The following SACS variants were observed in gnomAD, a reference collection of about 807,000 sequenced individuals.
SACS encodes the protein sacsin.
In SACS, 197 loss-of-function variants were observed where a neutral mutation model predicts 348.0. The ratio of observed to expected loss-of-function variants is 0.57; its 90% confidence interval spans 0.50 to 0.64. The LOEUF is 0.64. Ranked by LOEUF, SACS falls within the 30% of genes least tolerant of loss-of-function variation. The pLI is 0.00. For synonymous variants in SACS, 1,985 were observed against 1,910.6 expected (o/e 1.04, Z -1.02); for missense variants, 4,999 against 5,360.8 (o/e 0.93, Z 2.11).
At chr13:23,385,831 T>G (rs959494589) in intron 2 of SACS, among the ~76,000 whole-genome samples, 4 of 152,374 alleles carry the variant, frequency 2.6e-5, no homozygotes, top group African/African-American at 9.6e-5. Context: ...ATCTGTGGGC[T>G]GCAGAATGGA....
At chr13:23,374,631 A>C (rs1393388978) in intron 3 of SACS, among the ~76,000 whole-genome samples, 1 of 152,202 alleles carries the variant, frequency 6.6e-6, no homozygotes, top group African/African-American at 2.4e-5. Context: ...TATCACTTGA[A>C]CTTTAAAAGT....
In SACS at chr13:23,334,314, A is replaced by G. The variant is rs137905181; in HGVS notation, c.9562T>C (p.Phe3188Leu). 2.1e-4 allele frequency: 332 copies of G among 1,609,818 alleles called. 1 individual carries two copies. The highest frequency in any genetic ancestry group is 1.0e-3 in the Admixed American group (60 of 59,722). The part of the protein sequence containing the change: ...HELIPSRKDL[F>L]MNTLYLKYSN... ...TATTTCAAATATAATGTATTCATAA[A>G]CAAGTCTTTGCGGGATGGAATCAAT... The change falls in exon 10 of 10, where the codon TTT becomes CTT. Residue 3188 changes from phenylalanine to leucine, a missense_variant. Coordinates refer to ENST00000382292, the MANE Select transcript of SACS (RefSeq NM_014363.6).
rs2137721667 is a variant in SACS at position 23,355,104 on chromosome 13, T to A, written c.1508A>T (p.Lys503Ile). 1 of 1,614,140 alleles carries A rather than the reference T, an allele frequency of 6.2e-7. No homozygotes were observed. Among genetic ancestry groups the A allele is most frequent in the South Asian group, 1.1e-5 (1 of 91,086 alleles). Residue 503 changes from lysine to isoleucine, a missense_variant, in exon 8 of 10, where the codon AAA becomes ATA. Transcript: ENST00000382292. Reference protein sequence around the residue: ...NEFLVMNVVPKAYATLILDSI... With the variant: ...NEFLVMNVVPIAYATLILDSI... ...ATCTAAGATCAGAGTAGCATAAGCT[T>A]TGGGGACAACATTCATGACAAGAAA...
At chr13:23,374,099 C>CTT (rs908172914) in intron 3 of SACS, 2 of 152,136 alleles carry the variant, frequency 1.3e-5, no homozygotes, top group African/African-American at 2.4e-5. Context: ...AAGCTGAACT[C>CTT]TTTAAAAAAG....
In SACS at chr13:23,334,423, C is replaced by T; in HGVS notation, c.9453G>A (p.Glu3151=). Residue 3151 remains glutamate (E), a synonymous_variant, in exon 10 of 10, where the codon GAG becomes GAA. Transcript: ENST00000382292. ...KDAEENEIEV[E]GLPLLITLDS... is the part of the protein sequence containing the mutation. The stretch of plus-strand genomic sequence containing the variant: ...CCAGTGTGATGAGAAGGGGCAATCC[C>T]TCAACTTCAATCTCATTTTCTTCTG... 1.2e-6 allele frequency: 2 copies of T among 1,612,728 alleles called. No homozygotes were observed. Among genetic ancestry groups the T allele is most frequent in the Non-Finnish European group, 1.7e-6 (2 of 1,179,752 alleles).
chr13:23,357,364 T>G (rs542956730), intron 7 of SACS, among the ~76,000 whole-genome samples: 5 of 152,340 alleles, frequency 3.3e-5, no homozygotes, highest in Admixed American at 6.5e-5. Flanking sequence ...TTATATGATT[T>G]GTAATTTAGT....
chr13:23,387,128 T>G (rs1217025517), intron 2 of SACS, among the ~76,000 whole-genome samples: 1 of 151,750 alleles, frequency 6.6e-6, no homozygotes, highest in African/African-American at 2.4e-5. Flanking sequence ...CCAACAGACT[T>G]GCTGGATGCA....
intron 7 of SACS, among the ~76,000 whole-genome samples, chr13:23,356,349 A>C (rs530228638): frequency 2.0e-5 from 3 of 152,340 alleles, no homozygotes; most frequent in Admixed American, 6.5e-5. Context: ...ACAGAACAGG[A>C]CTGCATCCTA....
In SACS at chr13:23,331,977, G is replaced by C. The variant is rs1261408099; in HGVS notation, c.11899C>G (p.Gln3967Glu). The C allele has an allele frequency of 1.7e-5, 27 of 1,613,918 alleles. No homozygotes were observed. The highest frequency in any genetic ancestry group is 2.2e-5 in the Non-Finnish European group (26 of 1,179,950). The change falls in exon 10 of 10, where the codon CAA (glutamine) becomes GAA (glutamate). Residue 3967 changes from glutamine (Q) to glutamate (E), a missense_variant. Physicochemically the swap from Gln to Glu is conservative, Grantham distance 29 (BLOSUM62 2). Transcript: ENST00000382292. ...CTCAATAATCGAGGTCTAAGTTTTT[G>C]AGGAAAGAGCATTATCAACTTAGTG... ...FHTKLIMLFP[Q>E]KLRPRLLSSI... is the part of the protein sequence containing the mutation.
chr13:23,378,784 C>A (rs1176361632), intron 2 of SACS, among the ~76,000 whole-genome samples: 1 of 152,096 alleles, frequency 6.6e-6, no homozygotes, highest in African/African-American at 2.4e-5. Flanking sequence ...AGTGAGCTGG[C>A]TATAGCAGCA....
At position 23,408,762 on chromosome 13, in the gene SACS, G is replaced by A. The variant is rs570674359; in HGVS notation, c.20+2458C>T. ...GGGTGGATCACGAGGTCAGGAAATC[G>A]AGACCATCCTGGCTAACACGGTGAA... On this transcript the variant is annotated intron_variant, in intron 2 of 9. Transcript: ENST00000382292. 9.9e-5 allele frequency among the ~76,000 whole-genome samples: 15 copies of A among 152,072 alleles called. No homozygotes were observed. The East Asian group carries it at 2.4e-3, about 24-fold the overall frequency.
At chr13:23,342,185 T>C (rs989028634) in intron 9 of SACS, among the ~76,000 whole-genome samples, 1 of 152,216 alleles carries the variant, frequency 6.6e-6, no homozygotes, top group African/African-American at 2.4e-5. Context: ...AATCTATATA[T>C]AAATCCATAT....
rs74342035 is a variant in SACS, at chr13:23,370,558, C to T, written c.259+520G>A. On this transcript the variant is annotated intron_variant, in intron 4 of 9. Coordinates refer to ENST00000382292, the MANE Select transcript of SACS (RefSeq NM_014363.6). ...GGGCCCTGTACTGTATAGAAGATCT[C>T]CAGATCTTCTTTATTCATATAGCAA... Among the ~76,000 whole-genome samples the T allele has an allele frequency of 5.3e-5, 8 of 152,272 alleles. No individual in the cohort carries two copies. In the East Asian group the frequency reaches 1.5e-3, roughly 29 times the overall value.
At chr13:23,402,488 C>A (rs1165508611) in intron 2 of SACS, among the ~76,000 whole-genome samples, 1 of 152,190 alleles carries the variant, frequency 6.6e-6, no homozygotes, top group Non-Finnish European at 1.5e-5. Context: ...AATTCAGAAA[C>A]TCATCTTCAT....
intron 9 of SACS, among the ~76,000 whole-genome samples, chr13:23,346,208 C>T (rs1376540003): frequency 2.0e-5 from 3 of 152,202 alleles, no homozygotes; most frequent in Non-Finnish European, 2.9e-5. Context: ...CTCAGTGGCG[C>T]GGTCTCAGTT....
chr13:23,380,214 C>A (rs779963574), intron 2 of SACS, among the ~76,000 whole-genome samples: 1 of 151,874 alleles, frequency 6.6e-6, no homozygotes, highest in African/African-American at 2.4e-5. Context: ...ACTTCCCCCA[C>A]CTCTTTAGAA....
chr13:23,390,819 C>T lies in SACS; in HGVS notation c.21-15550G>A, dbSNP rs974109087. On this transcript the variant is annotated intron_variant, in intron 2 of 9. Coordinates refer to ENST00000382292, the MANE Select transcript of SACS (RefSeq NM_014363.6). ...GTCTAAAGAGCACTGATTCCAGTGC[C>T]CGCAGATGTTAAGTAGCGAGCGTGT... Among the ~76,000 whole-genome samples the T allele has an allele frequency of 2.6e-5, 4 of 152,336 alleles. No homozygotes were observed. In the East Asian group the frequency reaches 5.8e-4, roughly 22 times the overall value.
intron 6 of SACS, among the ~76,000 whole-genome samples, chr13:23,364,631 G>C (rs1436798696): frequency 6.6e-6 from 1 of 152,154 alleles, no homozygotes; most frequent in Non-Finnish European, 1.5e-5. Flanking sequence ...AAGCTCCCCG[G>C]AGTAGAAGTG....
At chr13:23,364,674 T>C (rs952695269) in intron 6 of SACS, among the ~76,000 whole-genome samples, 6 of 152,240 alleles carry the variant, frequency 3.9e-5, no homozygotes, top group African/African-American at 1.4e-4. Flanking sequence ...AGGGTTCTTA[T>C]TGGATTAATA....
Sources: gnomAD v4.1 joint callset for allele counts (sites outside exome capture counted in the v4.1 genomes callset) on GRCh38, gnomAD v4.1.1 for gene constraint, MANE v1.5 for transcripts, NCBI Gene and HGNC (gene_info 2026-07-23, HGNC 2026-07-21) for gene names.